The following TSNARE1 variants were observed in gnomAD, a reference collection of about 807,000 sequenced individuals.
TSNARE1 encodes the protein t-SNARE domain containing 1, also known as t-SNARE domain-containing protein 1.
Under a neutral mutation model 62.0 loss-of-function variants are expected in TSNARE1, and 49 were observed. The ratio of observed to expected loss-of-function variants is 0.79; its 90% CI spans 0.63 to 1.00. The LOEUF is 1.00. TSNARE1 is among the 50% of genes least tolerant of loss of function. The probability of loss-of-function intolerance (pLI) is 0.00; values close to 1 mark genes in which losing one functional copy is unlikely to be tolerated. For missense variants in TSNARE1, 755 were observed against 700.1 expected (o/e 1.08, Z -0.88); for synonymous variants, 328 against 294.4 (o/e 1.11, Z -1.17).
At chr8:142,254,137 C>A (rs981854460) in intron 12 of TSNARE1, among the ~76,000 whole-genome samples, 3 of 152,244 alleles carry the variant, frequency 2.0e-5, no homozygotes, top group African/African-American at 7.2e-5. Flanking sequence ...GCCCCGGGAG[C>A]CCGGCCGGCT....
chr8:142,350,178 G>C (rs1209644003), intron 2 of TSNARE1, among the ~76,000 whole-genome samples: 1 of 113,638 alleles, frequency 8.8e-6, no homozygotes, highest in Non-Finnish European at 1.9e-5. Context: ...GGGTGGGCAG[G>C]GCTGGGACCT....
intron 1 of TSNARE1, among the ~76,000 whole-genome samples, chr8:142,392,021 GTTCA>G: frequency 6.6e-6 from 1 of 152,210 alleles, no homozygotes; most frequent in East Asian, 1.9e-4. Context: ...CTGTTTTGCA[GTTCA>G]TTTTTTTCTT....
intron 1 of TSNARE1, among the ~76,000 whole-genome samples, chr8:142,363,991 G>A (rs908994410): frequency 6.6e-6 from 1 of 152,200 alleles, no homozygotes; most frequent in Non-Finnish European, 1.5e-5. Context: ...AGAGTCACCT[G>A]TACCAGGAAT....
chr8:142,305,913 G>A (rs867418464), intron 9 of TSNARE1, among the ~76,000 whole-genome samples: 11 of 152,222 alleles, frequency 7.2e-5, no homozygotes, highest in Non-Finnish European at 1.3e-4. Flanking sequence ...ACGGTTTCCC[G>A]TGGGAAGAGA....
chr8:142,303,964 C>A (rs1826216836), intron 9 of TSNARE1, among the ~76,000 whole-genome samples: 1 of 152,234 alleles, frequency 6.6e-6, no homozygotes, highest in South Asian at 2.1e-4. Context: ...CACGGCCACC[C>A]TCGTCTAAAG....
intron 7 of TSNARE1, 116 bp downstream of exon 7, chr8:142,318,428 T>C: frequency 4.9e-6 from 5 of 1,020,614 alleles, no homozygotes; most frequent in Non-Finnish European, 7.3e-6. Flanking sequence ...CCAGTCTGTG[T>C]CCATCCACAC....
At chr8:142,287,729 G>C (rs1337603474) in intron 10 of TSNARE1, among the ~76,000 whole-genome samples, 2 of 146,038 alleles carry the variant, frequency 1.4e-5, no homozygotes, top group African/African-American at 5.1e-5. Context: ...CCAGATCTCA[G>C]GGACAGTGGG....
Position 142,331,831 on chromosome 8 carries a change from G to A in TSNARE1, c.746C>T (p.Ala249Val). The stretch of plus-strand genomic sequence containing the variant: ...GAGGTTGCACGGATCGACCTGGGTG[G>A]CTGGGAGAAGACAGGGAGGAGGAAA... ...SEGFSLEPPR[A>V]TQVDPCNLQE... is the part of the protein sequence containing the mutation. Residue 249 changes from alanine to valine, a missense_variant and splice_region_variant, in exon 5 of 14, where the codon GCC becomes GTC. Transcript: ENST00000524325. 2 of 1,607,174 alleles carry A rather than the reference G, an allele frequency of 1.2e-6. No individual in the cohort carries two copies. The highest frequency in any genetic ancestry group is 8.5e-7 in the Non-Finnish European group (1 of 1,176,920).
At chr8:142,240,064 T>C (rs955399474) in intron 12 of TSNARE1, among the ~76,000 whole-genome samples, 34 of 152,134 alleles carry the variant, frequency 2.2e-4, no homozygotes, top group African/African-American at 8.2e-4. Flanking sequence ...GATTGACACA[T>C]GGGATTTTTT....
intron 10 of TSNARE1, among the ~76,000 whole-genome samples, chr8:142,289,601 C>T (rs1823409055): frequency 6.6e-6 from 1 of 152,176 alleles, no homozygotes; most frequent in Admixed American, 6.5e-5. Context: ...GCAGGGTGCA[C>T]CCTGGCCCTG....
chr8:142,375,521 G>A, intron 1 of TSNARE1, among the ~76,000 whole-genome samples: 1 of 152,196 alleles, frequency 6.6e-6, no homozygotes, highest in Non-Finnish European at 1.5e-5. Flanking sequence ...GGCTCCAAGG[G>A]GACCCGCCAG....
At chr8:142,275,761 G>T (rs889177966) in intron 11 of TSNARE1, 23 of 985,166 alleles carry the variant, frequency 2.3e-5, no homozygotes, top group Non-Finnish European at 2.7e-5. Context: ...GCCTACCAGG[G>T]CACAGACCTG....
chr8:142,401,171 T>C (rs1311049039), intron 1 of TSNARE1, among the ~76,000 whole-genome samples: 1 of 152,128 alleles, frequency 6.6e-6, no homozygotes, highest in Non-Finnish European at 1.5e-5. Context: ...TAGCTGTACT[T>C]CTCACCACAT....
chr8:142,393,537 G>GA (rs1236205196), intron 1 of TSNARE1, among the ~76,000 whole-genome samples: 2 of 152,232 alleles, frequency 1.3e-5, no homozygotes, highest in African/African-American at 4.8e-5. Flanking sequence ...AACTGTATGT[G>GA]AATTTACAAT....
chr8:142,216,661 G>C (rs1264259351), intron 13 of TSNARE1, among the ~76,000 whole-genome samples: 1 of 152,190 alleles, frequency 6.6e-6, no homozygotes, highest in African/African-American at 2.4e-5. Context: ...TCCTGCCTGA[G>C]AGGAGCAAAG....
chr8:142,341,092 A>G (rs756866690), intron 4 of TSNARE1, among the ~76,000 whole-genome samples: 10 of 151,882 alleles, frequency 6.6e-5, no homozygotes, highest in Non-Finnish European at 1.5e-4. Flanking sequence ...ACACTCTCAC[A>G]CTCCCCCAGA....
intron 1 of TSNARE1, among the ~76,000 whole-genome samples, chr8:142,375,526 C>A (rs187619700): frequency 1.3e-5 from 2 of 152,200 alleles, no homozygotes; most frequent in Non-Finnish European, 2.9e-5. Flanking sequence ...CAAGGGGACC[C>A]GCCAGGCAGG....
intron 12 of TSNARE1, chr8:142,274,567 C>T (rs990852706): frequency 1.9e-5 from 19 of 985,242 alleles, no homozygotes; most frequent in East Asian, 1.1e-4. Flanking sequence ...CGGTGCCGAC[C>T]GCTGTGGGCA....
At chr8:142,228,368 C>T (rs1816936210) in intron 13 of TSNARE1, among the ~76,000 whole-genome samples, 1 of 152,226 alleles carries the variant, frequency 6.6e-6, no homozygotes, top group Admixed American at 6.5e-5. Context: ...CCAGCCCTGC[C>T]CGGCTGCAGC....
Sources: gnomAD v4.1 joint callset for allele counts (sites outside exome capture counted in the v4.1 genomes callset) on GRCh38, gnomAD v4.1.1 for gene constraint, MANE v1.5 for transcripts, NCBI Gene and HGNC (gene_info 2026-07-23, HGNC 2026-07-21) for gene names.